ATP8A2: variants seen among roughly 807,000 people sequenced by gnomAD.
The protein encoded by ATP8A2 is phospholipid-transporting ATPase IB.
In ATP8A2, 100 loss-of-function variants were observed where a neutral mutation model predicts 165.6. The ratio of observed to expected loss-of-function variants is 0.60; its 90% CI spans 0.51 to 0.71. The LOEUF (loss-of-function observed/expected upper bound fraction) is 0.71, where lower values mean the gene tolerates loss of function less well. Among genes scored for constraint, ATP8A2 ranks in the 30% least tolerant of loss-of-function variants. The probability of loss-of-function intolerance (pLI) is 0.00; values close to 1 mark genes in which losing one functional copy is unlikely to be tolerated. For synonymous variants in ATP8A2, 543 were observed against 548.8 expected (o/e 0.99, Z 0.15); for missense variants, 1,227 against 1,479.5 (o/e 0.83, Z 2.80).
intron 6 of ATP8A2, among the ~76,000 whole-genome samples, chr13:25,536,404 C>T (rs1321942190): frequency 6.6e-6 from 1 of 152,198 alleles, no homozygotes. Context: ...GCGTGAGCCA[C>T]TGTGCCTGGC....
At chr13:25,672,473 T>C (rs2042286821) in intron 24 of ATP8A2, among the ~76,000 whole-genome samples, 1 of 141,812 alleles carries the variant, frequency 7.1e-6, no homozygotes, top group Non-Finnish European at 1.5e-5. Context: ...CAGGAAGATA[T>C]TCTTTTCTAG....
At chr13:25,936,793 G>A (rs1954903914) in intron 33 of ATP8A2, among the ~76,000 whole-genome samples, 2 of 152,164 alleles carry the variant, frequency 1.3e-5, no homozygotes. Context: ...TGGTTGTCCT[G>A]GAGTTTCTTT....
chr13:26,024,246 C>T lies in ATP8A2; in HGVS notation c.*4261C>T, dbSNP rs1038987194. 2.0e-5 allele frequency: 3 copies of T among 152,126 alleles called. No individual in the cohort carries two copies. The highest frequency in any genetic ancestry group is 7.2e-5 in the African/African-American group (3 of 41,432). 9.4% of individuals were successfully genotyped at this position (152,126 alleles called of 1,614,324 possible). A position where few individuals can be genotyped will look rare whatever the true frequency, so the allele number is the denominator to read the frequency against. ...TTCGGAGGTGAGGGCCCAAGACCCC[C>T]ATAATGACATCATTAGGCATTCTTG... On this transcript the variant is annotated 3_prime_UTR_variant, in exon 37 of 37. Transcript: ENST00000381655.
At chr13:25,543,443 C>G in intron 10 of ATP8A2, 41 bp downstream of exon 10, 2 of 1,335,186 alleles carry the variant, frequency 1.5e-6, no homozygotes, top group Non-Finnish European at 2.1e-6. Flanking sequence ...TTTTTTCTTT[C>G]TGCTTTTATT....
In ATP8A2 at chr13:25,630,868, C is replaced by G. The variant is rs778266341; in HGVS notation, c.2211+41169C>G. Among the ~76,000 whole-genome samples the G allele has an allele frequency of 2.6e-5, 4 of 152,022 alleles. No individual in the cohort carries two copies. The East Asian group carries it at 7.7e-4, about 29-fold the overall frequency. On this transcript the variant is annotated intron_variant, in intron 24 of 36. Coordinates refer to ENST00000381655, the MANE Select transcript of ATP8A2 (RefSeq NM_016529.6). ...AAATCCTTAGGGTCCGCTTTCTCATCCTTCATTTTAATTTACAAGAGCAGT... is the reference window on the plus strand; with the variant it reads ...AAATCCTTAGGGTCCGCTTTCTCATGCTTCATTTTAATTTACAAGAGCAGT...
chr13:25,517,082 C>CAT (rs2037500807), intron 2 of ATP8A2: 1 of 116,930 alleles, frequency 8.6e-6, no homozygotes, highest in African/African-American at 3.5e-5. Context: ...TGCCTGGTCA[C>CAT]ATTTTTTTTT....
chr13:25,725,388 A>C (rs2043470714), intron 25 of ATP8A2, among the ~76,000 whole-genome samples: 1 of 152,168 alleles, frequency 6.6e-6, no homozygotes, highest in Non-Finnish European at 1.5e-5. Context: ...TGCTCCATTA[A>C]AGTGGACCAA....
At chr13:25,958,152 A>G (rs1236217168) in intron 33 of ATP8A2, among the ~76,000 whole-genome samples, 1 of 151,936 alleles carries the variant, frequency 6.6e-6, no homozygotes, top group African/African-American at 2.4e-5. Flanking sequence ...GACTAGGGGA[A>G]GGATAGCATT....
In ATP8A2 at chr13:25,405,718, A is replaced by G. The variant is rs921733279; in HGVS notation, c.76+33430A>G. On this transcript the variant is annotated intron_variant, in intron 1 of 36. Coordinates refer to ENST00000381655, the MANE Select transcript of ATP8A2 (RefSeq NM_016529.6). ...TTTGAAAAAATGGACAAAATCCTAG[A>G]TATCATGTATTAGAAACAAAGTGTT... 3.9e-5 allele frequency among the ~76,000 whole-genome samples: 6 copies of G among 152,196 alleles called. No homozygotes were observed. The East Asian group carries it at 1.2e-3, about 29-fold the overall frequency.
rs17082985 is a variant in ATP8A2 at position 26,024,602 on chromosome 13, G to A, written c.*4617G>A. On this transcript the variant is annotated 3_prime_UTR_variant, in exon 37 of 37. Coordinates refer to ENST00000381655, the MANE Select transcript of ATP8A2 (RefSeq NM_016529.6). ...GTATAATCCAGTGTTAACCTCTGAGGAACACCTCGGCTCTCCCAACTGAGG... is the reference window on the plus strand; with the variant it reads ...GTATAATCCAGTGTTAACCTCTGAGAAACACCTCGGCTCTCCCAACTGAGG... The A allele has an allele frequency of 0.036, 5,446 of 152,268 alleles. 113 individuals carry two copies. The highest frequency in any genetic ancestry group is 0.044 in the Non-Finnish European group (3,010 of 68,010). 9.4% of individuals were successfully genotyped at this position (152,268 alleles called of 1,614,324 possible).
chr13:25,734,538 T>G (rs767039337), intron 25 of ATP8A2, among the ~76,000 whole-genome samples: 10 of 152,202 alleles, frequency 6.6e-5, no homozygotes, highest in Non-Finnish European at 1.2e-4. Context: ...AGTGGGCAAG[T>G]GCTAGAGCTT....
chr13:25,656,516 G>A (rs1397940275), intron 24 of ATP8A2, among the ~76,000 whole-genome samples: 3 of 151,860 alleles, frequency 2.0e-5, no homozygotes, highest in Non-Finnish European at 2.9e-5. Flanking sequence ...CCTCAGATCT[G>A]CCCACCTCGG....
At chr13:25,577,183 T>C in intron 20 of ATP8A2, 45 bp downstream of exon 20, 1 of 1,496,770 alleles carries the variant, frequency 6.7e-7, no homozygotes, top group Non-Finnish European at 9.3e-7. Context: ...TCTTGGCAGC[T>C]TTGTTAATCT....
At chr13:26,015,803 C>A (rs924928673) in intron 36 of ATP8A2, among the ~76,000 whole-genome samples, 4 of 152,184 alleles carry the variant, frequency 2.6e-5, no homozygotes, top group African/African-American at 7.2e-5. Flanking sequence ...CCTCCAGGCC[C>A]CCATCAGGAC....
intron 1 of ATP8A2, among the ~76,000 whole-genome samples, chr13:25,441,112 C>T (rs563795066): frequency 6.6e-6 from 1 of 152,176 alleles, no homozygotes; most frequent in East Asian, 1.9e-4. Context: ...TTTTTCTCTC[C>T]CCCAGTTTGT....
chr13:25,721,379 G>C (rs979980213), intron 25 of ATP8A2, among the ~76,000 whole-genome samples: 3 of 152,116 alleles, frequency 2.0e-5, no homozygotes, highest in Non-Finnish European at 4.4e-5. Context: ...GTGTTTGTCT[G>C]TTTTTGCTTT....
In ATP8A2 at chr13:26,022,441, C is replaced by T. The variant is rs1957093810; in HGVS notation, c.*2456C>T. The T allele has an allele frequency of 6.6e-6, 1 of 152,116 alleles. No homozygotes were observed. Among genetic ancestry groups the T allele is most frequent in the South Asian group, 2.1e-4 (1 of 4,822 alleles). 9.4% of individuals were successfully genotyped at this position (152,116 alleles called of 1,614,324 possible). On this transcript the variant is annotated 3_prime_UTR_variant, in exon 37 of 37. Transcript: ENST00000381655. ...TTTCTTACATTAGAGTTCATATTTT[C>T]TGGGATTTAAGGATACAGGTGTATT...
At chr13:25,738,592 C>T (rs1161223586) in intron 25 of ATP8A2, among the ~76,000 whole-genome samples, 2 of 152,208 alleles carry the variant, frequency 1.3e-5, no homozygotes, top group South Asian at 2.1e-4. Flanking sequence ...GCCTGGAGGG[C>T]CCCACCAATG....
At chr13:25,764,142 A>G (rs992441942) in intron 25 of ATP8A2, among the ~76,000 whole-genome samples, 2 of 152,188 alleles carry the variant, frequency 1.3e-5, no homozygotes, top group African/African-American at 4.8e-5. Context: ...TTATAGTTAA[A>G]TATTATGTAT....
Sources: gnomAD v4.1 joint callset for allele counts (sites outside exome capture counted in the v4.1 genomes callset) on GRCh38, gnomAD v4.1.1 for gene constraint, MANE v1.5 for transcripts, NCBI Gene and HGNC (gene_info 2026-07-23, HGNC 2026-07-21) for gene names.